Variants in PHACTR2 observed in about 807,000 individuals in gnomAD.
PHACTR2 encodes the protein phosphatase and actin regulator 2, also known as chromosome 6 open reading frame 56.
A neutral mutation model predicts 76.0 loss-of-function variants in PHACTR2; 30 were observed. That is an observed-to-expected ratio of 0.39 (90% CI 0.30 to 0.54). PHACTR2 has a LOEUF of 0.54. PHACTR2 is among the 20% of genes least tolerant of loss of function. The probability of loss-of-function intolerance (pLI) is 0.61; values close to 1 mark genes in which losing one functional copy is unlikely to be tolerated. For synonymous variants in PHACTR2, 292 were observed against 292.5 expected, an observed-to-expected ratio of 1.00 and a Z score of 0.02; for missense variants, 696 against 781.1, an observed-to-expected ratio of 0.89 and a Z score of 1.30.
intron 1 of PHACTR2, among the ~76,000 whole-genome samples, chr6:143,645,152 A>C (rs1776637171): frequency 6.6e-6 from 1 of 152,144 alleles, no homozygotes; most frequent in South Asian, 2.1e-4. Flanking sequence ...CTGGGCATCT[A>C]CCCAGAGGAA....
At chr6:143,692,796 A>G (rs1218262334) in intron 1 of PHACTR2, among the ~76,000 whole-genome samples, 1 of 152,244 alleles carries the variant, frequency 6.6e-6, no homozygotes, top group Non-Finnish European at 1.5e-5. Flanking sequence ...GTTAATAAAT[A>G]ACTTTGCAGA....
rs547713658 is a variant in PHACTR2, at chr6:143,718,971, C to T, written c.214+6788C>T. Among the ~76,000 whole-genome samples, 11 of 150,680 alleles carry T rather than the reference C, an allele frequency of 7.3e-5. No homozygotes were observed. In the East Asian group the frequency reaches 2.2e-3, roughly 30 times the overall value. On this transcript the variant is annotated intron_variant, in intron 2 of 12. Coordinates refer to ENST00000440869, the MANE Select transcript of PHACTR2 (RefSeq NM_001100164.2). The stretch of plus-strand genomic sequence containing the variant: ...GATCTCGGCTCACTGCAACCTCTGC[C>T]TCCTGAGTTCAAGTGATTCTCCTGC...
At chr6:143,808,133 T>C (rs1232942894) in intron 12 of PHACTR2, among the ~76,000 whole-genome samples, 1 of 151,172 alleles carries the variant, frequency 6.6e-6, no homozygotes, top group Non-Finnish European at 1.5e-5. Flanking sequence ...CAAAATTTTT[T>C]TTTTTTTTTT....
At chr6:143,736,979 T>A (rs9484805) in intron 2 of PHACTR2, among the ~76,000 whole-genome samples, 53,068 of 151,708 alleles carry the variant, frequency 0.35, 10,502 homozygotes, top group African/African-American at 0.55. Context: ...TTTGCCTGTG[T>A]TCACCTACCA....
rs1562250701 is a variant in PHACTR2, at chr6:143,621,931, G to A, written c.13+13609G>A. ...TGCTGTTGTGCACTTGCTTCTGGCA[G>A]CTCCCATCTCCCTCCTTCTAATCTG... On this transcript the variant is annotated intron_variant, in intron 1 of 11. Coordinates refer to the PHACTR2 transcript ENST00000305766. The surrounding 1 kb of genome is among the most constrained non-coding windows in gnomAD (Gnocchi z 4.1). Among the ~76,000 whole-genome samples, 1 of 152,122 alleles carries A rather than the reference G, an allele frequency of 6.6e-6. No homozygotes were observed. The highest frequency in any genetic ancestry group is 1.5e-5 in the Non-Finnish European group (1 of 68,008).
At position 143,558,781 on chromosome 6, in the gene PHACTR2, T is replaced by C. The variant is rs770347184; in HGVS notation, c.217+21574T>C. Among the ~76,000 whole-genome samples the C allele has an allele frequency of 3.9e-5, 6 of 152,154 alleles. No homozygotes were observed. Among genetic ancestry groups the C allele is most frequent in the African/African-American group, 9.7e-5 (4 of 41,436 alleles). On this transcript the variant is annotated intron_variant, in intron 1 of 11. Coordinates refer to the PHACTR2 transcript ENST00000367584. This position sits in a 1 kb window ranked among gnomAD's most constrained non-coding sequence, Gnocchi z 4.7. Reference sequence around the variant, plus strand: ...CAACTGGCCTTTGAGTACAGGTACGTTAGGATTTGTAGACCTCTGAGGAGG... The same window carrying C: ...CAACTGGCCTTTGAGTACAGGTACGCTAGGATTTGTAGACCTCTGAGGAGG...
chr6:143,581,368 A>G lies in PHACTR2; in HGVS notation c.217+44161A>G, dbSNP rs1775570380. Among the ~76,000 whole-genome samples the G allele has an allele frequency of 6.6e-6, 1 of 152,070 alleles. No homozygotes were observed. Reference sequence around the variant, plus strand: ...TCCCAGCACTTTGGGAGGTCAAGACAAGGAAGGAGGTGAGCTGACAGATGT... The same window carrying G: ...TCCCAGCACTTTGGGAGGTCAAGACGAGGAAGGAGGTGAGCTGACAGATGT... On this transcript the variant is annotated intron_variant, in intron 1 of 11. Coordinates refer to the PHACTR2 transcript ENST00000367584. This position sits in a 1 kb window ranked among gnomAD's most constrained non-coding sequence, Gnocchi z 4.5.
chr6:143,782,155 A>G lies in PHACTR2; in HGVS notation c.1646-1064A>G, dbSNP rs1418118474. Among the ~76,000 whole-genome samples the G allele has an allele frequency of 6.6e-6, 1 of 152,180 alleles. No homozygotes were observed. The highest frequency in any genetic ancestry group is 1.5e-5 in the Non-Finnish European group (1 of 68,024). ...AAATTTTTTTTAATTGAACCCGGGA[A>G]GCGGAGGTTGCGGTGAGCCAAGATC... On this transcript the variant is annotated intron_variant, in intron 9 of 12. Coordinates refer to ENST00000440869, the MANE Select transcript of PHACTR2 (RefSeq NM_001100164.2). The surrounding 1 kb of genome is among the most constrained non-coding windows in gnomAD (Gnocchi z 4.6).
chr6:143,798,639 A>G (rs779822234), intron 11 of PHACTR2, among the ~76,000 whole-genome samples: 4 of 152,176 alleles, frequency 2.6e-5, no homozygotes, highest in Non-Finnish European at 4.4e-5. Flanking sequence ...ATCTATTGAG[A>G]TAATCATGTG....
chr6:143,693,165 G>A (rs908120474), intron 1 of PHACTR2, among the ~76,000 whole-genome samples: 13 of 152,258 alleles, frequency 8.5e-5, no homozygotes, highest in Admixed American at 7.8e-4. Flanking sequence ...TGAGGTACTG[G>A]GAGTTAAGAC....
At position 143,624,261 on chromosome 6, in the gene PHACTR2, C is replaced by A. The variant is rs1349614967; in HGVS notation, c.13+15939C>A. Among the ~76,000 whole-genome samples the A allele has an allele frequency of 6.6e-6, 1 of 152,128 alleles. No individual in the cohort carries two copies. The highest frequency in any genetic ancestry group is 2.4e-5 in the African/African-American group (1 of 41,408). ...AGCTGGGATTACAGGTGCCTGCCAC[C>A]ACACCTGACTAATTTTTGTATTTTT... On this transcript the variant is annotated intron_variant, in intron 1 of 11. Transcript: ENST00000305766. The surrounding 1 kb of genome is among the most constrained non-coding windows in gnomAD (Gnocchi z 4.6).
At chr6:143,746,604 C>A (rs1308909749) in intron 2 of PHACTR2, among the ~76,000 whole-genome samples, 7 of 152,092 alleles carry the variant, frequency 4.6e-5, no homozygotes, top group Admixed American at 3.9e-4. Flanking sequence ...AGTCCCGCCA[C>A]CCCTCAGAGC....
Position 143,646,992 on chromosome 6 carries a change from G to GT in PHACTR2, c.13+38671dup, listed in dbSNP as rs1185892257. Among the ~76,000 whole-genome samples the GT allele has an allele frequency of 6.6e-6, 1 of 152,180 alleles. No homozygotes were observed. Among genetic ancestry groups the GT allele is most frequent in the Non-Finnish European group, 1.5e-5 (1 of 68,032 alleles). On this transcript the variant is annotated intron_variant, in intron 1 of 11. Coordinates refer to the PHACTR2 transcript ENST00000305766. This position sits in a 1 kb window ranked among gnomAD's most constrained non-coding sequence, Gnocchi z 4.1. ...CCTTGCTTCTAAAGAATTTTAAAAT[G>GT]TATTTTTAGCAAGGCTCTAAAGATT...
rs1352666453 is a variant in PHACTR2, at chr6:143,683,213, T to G, written c.46+5004T>G. 1.3e-5 allele frequency among the ~76,000 whole-genome samples: 2 copies of G among 152,240 alleles called. No homozygotes were observed. The highest frequency in any genetic ancestry group is 4.8e-5 in the African/African-American group (2 of 41,468). ...TAGGAGGATTGAGACTTCTAGTATT[T>G]CATTGTGAAGTGTAGAGCATGGTAG... On this transcript the variant is annotated intron_variant, in intron 1 of 12. Transcript: ENST00000440869. The surrounding 1 kb of genome is among the most constrained non-coding windows in gnomAD (Gnocchi z 4.1).
chr6:143,712,780 T>G (rs752332656), intron 2 of PHACTR2, among the ~76,000 whole-genome samples: 3 of 152,222 alleles, frequency 2.0e-5, no homozygotes, highest in Non-Finnish European at 4.4e-5. Context: ...ATAAATGGTC[T>G]CTGTCTTAAG....
chr6:143,649,703 T>C (rs1223274362), intron 1 of PHACTR2, among the ~76,000 whole-genome samples: 2 of 152,112 alleles, frequency 1.3e-5, no homozygotes, highest in East Asian at 3.8e-4. Flanking sequence ...CTCAAAATAA[T>C]AAGCACCATA....
In PHACTR2 at chr6:143,800,159, T is replaced by G. The variant is rs1775919370; in HGVS notation, c.1846-6898T>G. On this transcript the variant is annotated intron_variant, in intron 11 of 12. Transcript: ENST00000440869. The surrounding 1 kb of genome is among the most constrained non-coding windows in gnomAD (Gnocchi z 4.8). ...ATGGCCTTCTTTGTCTCTTTTGATC[T>G]TTGTTGGTTTAAAGTCTGTTTTATC... 6.6e-6 allele frequency among the ~76,000 whole-genome samples: 1 copy of G among 152,238 alleles called. No homozygotes were observed. The highest frequency in any genetic ancestry group is 6.5e-5 in the Admixed American group (1 of 15,284).
intron 1 of PHACTR2, among the ~76,000 whole-genome samples, chr6:143,584,844 C>T (rs1775609223): frequency 6.6e-6 from 1 of 151,944 alleles, no homozygotes; most frequent in African/African-American, 2.4e-5. Flanking sequence ...AAGTAATGGG[C>T]AGGTAATAAA....
Position 143,539,328 on chromosome 6 carries a change from C to G in PHACTR2, c.217+2121C>G, listed in dbSNP as rs370767462. Among the ~76,000 whole-genome samples, 1 of 152,174 alleles carries G rather than the reference C, an allele frequency of 6.6e-6. No homozygotes were observed. On this transcript the variant is annotated intron_variant, in intron 1 of 11. Transcript: ENST00000367584. The surrounding 1 kb of genome is among the most constrained non-coding windows in gnomAD (Gnocchi z 4.3). Reference sequence around the variant, plus strand: ...AGAAGAGTGAACATCTTTCATGTACCTGATTTCATTTTCAGAACTGAGCCT... The same window carrying G: ...AGAAGAGTGAACATCTTTCATGTACGTGATTTCATTTTCAGAACTGAGCCT...
Sources: allele counts gnomAD v4.1 joint callset (sites outside exome capture counted in the v4.1 genomes callset), GRCh38; gene constraint gnomAD v4.1.1; non-coding constraint Gnocchi (gnomAD v3.1); transcripts MANE v1.5; gene names NCBI Gene and HGNC (gene_info 2026-07-23, HGNC 2026-07-21).